Variants in PRR12 observed in about 807,000 individuals in gnomAD.
PRR12 encodes proline-rich protein 12.
Under a neutral mutation model 138.0 loss-of-function variants are expected in PRR12, and 12 were observed. That is an observed-to-expected ratio of 0.09 (90% confidence interval 0.06 to 0.14). PRR12 has a LOEUF of 0.14. Among genes scored for constraint, PRR12 ranks in the 10% least tolerant of loss-of-function variants. The probability of loss-of-function intolerance (pLI) is 1.00; values close to 1 mark genes in which losing one functional copy is unlikely to be tolerated. For synonymous variants in PRR12, 1,567 were observed against 1,291.7 expected (o/e 1.21, Z -4.57); for missense variants, 2,692 against 2,861.3 (o/e 0.94, Z 1.35).
In PRR12 at chr19:49,621,541, C is replaced by T. The variant is rs60445174; in HGVS notation, c.5640C>T (p.Pro1880=). ...LEDTHDELYL[P]PMRKIDGLLN... Reference sequence around the variant, plus strand: ...GTCCATCAGACGAGCTGTACCTGCCCCCCATGCGGAAGATAGACGGCCTGC... The same window carrying T: ...GTCCATCAGACGAGCTGTACCTGCCTCCCATGCGGAAGATAGACGGCCTGC... The change falls in exon 11 of 14, where the codon CCC becomes CCT. Residue 1880 remains proline, a synonymous_variant. Transcript: ENST00000418929. The T allele has an allele frequency of 0.038, 61,788 of 1,605,718 alleles. 1,680 individuals are homozygous for T. Among genetic ancestry groups the T allele is most frequent in the South Asian group, 0.1 (9,167 of 89,202 alleles).
chr19:49,612,288 G>A (rs1348624610), intron 6 of PRR12, among the ~76,000 whole-genome samples: 1 of 151,760 alleles, frequency 6.6e-6, no homozygotes, highest in Non-Finnish European at 1.5e-5. Context: ...CCAATCAGCT[G>A]TGGGTATGGA....
chr19:49,595,163 G>A lies in PRR12; in HGVS notation c.828G>A (p.Pro276=), dbSNP rs201538475. ...TCTCGGGTGCTGCCCCGGGCCCACC[G>A]CCGCCTGAGCGGGCCCTGCCACGCC... is the stretch of plus-strand genomic sequence containing the variant. The part of the protein sequence containing the change: ...YNFSGAAPGP[P]PPERALPRQD... The change falls in exon 4 of 14, where the codon CCG becomes CCA. Residue 276 remains proline (P), a synonymous_variant. Coordinates refer to ENST00000418929, the MANE Select transcript of PRR12 (RefSeq NM_020719.3). The A allele has an allele frequency of 3.2e-5, 51 of 1,609,890 alleles. No individual in the cohort carries two copies. Among genetic ancestry groups the A allele is most frequent in the South Asian group, 9.9e-5 (9 of 90,900 alleles).
chr19:49,614,510 C>T lies in PRR12; in HGVS notation c.4774-23C>T, dbSNP rs1368536755. On this transcript the variant is annotated intron_variant, in intron 6 of 13. Coordinates refer to ENST00000418929, the MANE Select transcript of PRR12 (RefSeq NM_020719.3). The surrounding 1 kb of genome is among the most constrained non-coding windows in gnomAD (Gnocchi z 5.0). ...AGGAATGAGGGCTGACCCTGCTGGC[C>T]TCACCACACCCCTCCTCCTCAGCTG... is the stretch of plus-strand genomic sequence containing the variant. The T allele has an allele frequency of 6.6e-7, 1 of 1,511,452 alleles. No individual in the cohort carries two copies. Among genetic ancestry groups the T allele is most frequent in the Non-Finnish European group, 8.9e-7 (1 of 1,125,824 alleles). 93.6% of individuals were successfully genotyped at this position (1,511,452 alleles called of 1,614,324 possible).
chr19:49,621,732 T>G (rs891254674), intron 11 of PRR12, 110 bp downstream of exon 11: 16 of 895,996 alleles, frequency 1.8e-5, no homozygotes, highest in Non-Finnish European at 2.6e-5. Flanking sequence ...AGATCGTCCT[T>G]CTGGGCTCAG....
chr19:49,595,252 C>T lies in PRR12; in HGVS notation c.917C>T (p.Pro306Leu), dbSNP rs778288170. Residue 306 changes from proline (P) to leucine (L), a missense_variant, in exon 4 of 14, where the codon CCA becomes CTA. Coordinates refer to ENST00000418929, the MANE Select transcript of PRR12 (RefSeq NM_020719.3). ...ASAQPPPPPP[P>L]AHALQHYLSC... The stretch of plus-strand genomic sequence containing the variant: ...GCCCAGCCCCCACCACCCCCGCCAC[C>T]AGCCCATGCGCTCCAGCACTATCTG... The T allele has an allele frequency of 1.3e-6, 2 of 1,544,866 alleles. No individual in the cohort carries two copies. The highest frequency in any genetic ancestry group is 1.7e-6 in the Non-Finnish European group (2 of 1,146,046).
rs1236827128 is a variant in PRR12, at chr19:49,597,903, G to T, written c.3568G>T (p.Ala1190Ser). 3.5e-6 allele frequency: 5 copies of T among 1,412,190 alleles called. No individual in the cohort carries two copies. The highest frequency in any genetic ancestry group is 4.6e-6 in the Non-Finnish European group (5 of 1,087,116). 87.5% of individuals were successfully genotyped at this position (1,412,190 alleles called of 1,614,324 possible). The part of the protein sequence containing the change: ...EVPTTAGPAS[A>S]STPTDGAKKP... ...CCCGACCACTGCGGGGCCCGCCTCG[G>T]CCTCCACGCCCACCGATGGCGCCAA... is the stretch of plus-strand genomic sequence containing the variant. The change falls in exon 4 of 14, where the codon GCC becomes TCC. Residue 1190 changes from alanine to serine, a missense_variant. Coordinates refer to ENST00000418929, the MANE Select transcript of PRR12 (RefSeq NM_020719.3). The surrounding 1 kb of genome is among the most constrained non-coding windows in gnomAD (Gnocchi z 6.3).
intron 5 of PRR12, 119 bp from the exon 6 acceptor site, chr19:49,601,372 G>A: frequency 3.1e-6 from 2 of 641,420 alleles, no homozygotes; most frequent in Non-Finnish European, 5.5e-6. Context: ...AAGGGACACT[G>A]GGAGCTGAGT....
chr19:49,613,727 C>T (rs981671435), intron 6 of PRR12, among the ~76,000 whole-genome samples: 1 of 152,216 alleles, frequency 6.6e-6, no homozygotes, highest in Non-Finnish European at 1.5e-5. Context: ...TGTCTCATTA[C>T]CTCTGTTATT....
At chr19:49,624,687 G>C (rs1046264113) in intron 11 of PRR12, among the ~76,000 whole-genome samples, 157 bp from the exon 12 acceptor site, 1 of 152,058 alleles carries the variant, frequency 6.6e-6, no homozygotes, top group Non-Finnish European at 1.5e-5. Context: ...AAGCATCACT[G>C]GTCAGGCCCA....
At chr19:49,602,743 G>C (rs2080819098) in intron 6 of PRR12, among the ~76,000 whole-genome samples, 1 of 152,118 alleles carries the variant, frequency 6.6e-6, no homozygotes, top group African/African-American at 2.4e-5. Context: ...GTAGAAATGG[G>C]GTTTCACTGT....
intron 6 of PRR12, among the ~76,000 whole-genome samples, chr19:49,605,081 C>A (rs2080831555): frequency 6.6e-6 from 1 of 151,884 alleles, no homozygotes; most frequent in South Asian, 2.1e-4. Flanking sequence ...AAACTCCTGA[C>A]CTCGGGTGAT....
Position 49,614,440 on chromosome 19 carries a change from A to C in PRR12, c.4774-93A>C, listed in dbSNP as rs1291812294. ...ACGTGTCTGCCTTTTCTCTAAGGGG[A>C]TGGTGAGGGAAGCCAGTGGGCCAGG... On this transcript the variant is annotated intron_variant, in intron 6 of 13. Coordinates refer to ENST00000418929, the MANE Select transcript of PRR12 (RefSeq NM_020719.3). The surrounding 1 kb of genome is among the most constrained non-coding windows in gnomAD (Gnocchi z 5.0). 1 of 786,680 alleles carries C rather than the reference A, an allele frequency of 1.3e-6. No individual in the cohort carries two copies. The highest frequency in any genetic ancestry group is 2.0e-6 in the Non-Finnish European group (1 of 504,930). 48.7% of individuals were successfully genotyped at this position (786,680 alleles called of 1,614,324 possible).
Position 49,596,868 on chromosome 19 carries a change from C to T in PRR12, c.2533C>T (p.Pro845Ser), listed in dbSNP as rs755815729. Residue 845 changes from proline to serine, a missense_variant, in exon 4 of 14, where the codon CCC (proline) becomes TCC (serine). Around this residue, in one of 11 missense-constraint regions of PRR12, gnomAD observed 840 missense variants for 689.8 expected, o/e 1.22. Coordinates refer to ENST00000418929, the MANE Select transcript of PRR12 (RefSeq NM_020719.3). This position sits in a 1 kb window ranked among gnomAD's most constrained non-coding sequence, Gnocchi z 5.6. ...TCCACCGCCACCCCCGCCTCCACCA[C>T]CCATGCCCCTGCAGCTCGAGGCCCA... ...PPPPPPPPPP[P>S]MPLQLEAHLR... The T allele has an allele frequency of 3.2e-6, 5 of 1,570,706 alleles. No homozygotes were observed. The African/African-American group carries it at 6.7e-5, about 21-fold the overall frequency.
At position 49,621,653 on chromosome 19, in the gene PRR12, G is replaced by A. The variant is rs1454134702; in HGVS notation, c.5721+31G>A. On this transcript the variant is annotated intron_variant, in intron 11 of 13. Coordinates refer to ENST00000418929, the MANE Select transcript of PRR12 (RefSeq NM_020719.3). ...TGGGGGTCTGGGCAGGGGGTGTCTG[G>A]GGCCCAGGGTCCACATGGAGAAGAC... is the stretch of plus-strand genomic sequence containing the variant. The A allele has an allele frequency of 3.9e-6, 6 of 1,524,124 alleles. No individual in the cohort carries two copies. The Admixed American group carries it at 7.6e-5, about 19-fold the overall frequency. The allele number at this position is 1,524,124 out of a possible 1,614,324, so 94.4% of individuals were successfully genotyped here.
At position 49,597,463 on chromosome 19, in the gene PRR12, C is replaced by T. The variant is rs1599787594; in HGVS notation, c.3128C>T (p.Pro1043Leu). The T allele has an allele frequency of 1.9e-6, 3 of 1,542,432 alleles. No individual in the cohort carries two copies. The highest frequency in any genetic ancestry group is 1.7e-6 in the Non-Finnish European group (2 of 1,146,266). The change falls in exon 4 of 14, where the codon CCT (proline) becomes CTT (leucine). Residue 1043 changes from proline to leucine, a missense_variant. Pro to Leu is a moderately conservative substitution (Grantham distance 98). Coordinates refer to ENST00000418929, the MANE Select transcript of PRR12 (RefSeq NM_020719.3). This position sits in a 1 kb window ranked among gnomAD's most constrained non-coding sequence, Gnocchi z 6.3. The stretch of plus-strand genomic sequence containing the variant: ...CACCAGGCGGCGCCACCACCCCCGC[C>T]TCCGCCACCGCCGCCTCCCGCGCCG... ...GPHQAAPPPP[P>L]PPPPPPAPAS...
intron 2 of PRR12, among the ~76,000 whole-genome samples, chr19:49,593,990 T>C (rs1447752686): frequency 6.6e-6 from 1 of 152,078 alleles, no homozygotes. Flanking sequence ...GCTCCTTCCC[T>C]TTTTCCCTCC....
rs1378466294 is a variant in PRR12, at chr19:49,614,776, A to G, written c.4891-100A>G. On this transcript the variant is annotated intron_variant, in intron 7 of 13. Transcript: ENST00000418929. This position sits in a 1 kb window ranked among gnomAD's most constrained non-coding sequence, Gnocchi z 5.0. ...TGGAAGGGGGCCCCCTGCTGCCGGC[A>G]GGCTCCAAGCAGCTGCCATGGTGGC... 6.4e-7 allele frequency: 1 copy of G among 1,562,572 alleles called. No individual in the cohort carries two copies. Among genetic ancestry groups the G allele is most frequent in the Non-Finnish European group, 8.8e-7 (1 of 1,142,592 alleles).
chr19:49,616,233 C>T lies in PRR12; in HGVS notation c.5497+14C>T. On this transcript the variant is annotated intron_variant, in intron 9 of 13. Coordinates refer to ENST00000418929, the MANE Select transcript of PRR12 (RefSeq NM_020719.3). This position sits in a 1 kb window ranked among gnomAD's most constrained non-coding sequence, Gnocchi z 4.2. ...CCAGCGAGGACGGTGAGGCCCTAGGCAGCCTCAGGGCTGCAGGGGTGGGTG... is the reference window on the plus strand; with the variant it reads ...CCAGCGAGGACGGTGAGGCCCTAGGTAGCCTCAGGGCTGCAGGGGTGGGTG... 1 of 1,509,740 alleles carries T rather than the reference C, an allele frequency of 6.6e-7. No individual in the cohort carries two copies. Among genetic ancestry groups the T allele is most frequent in the Non-Finnish European group, 8.9e-7 (1 of 1,126,434 alleles). The allele number at this position is 1,509,740 out of a possible 1,614,324, so 93.5% of individuals were successfully genotyped here.
At position 49,599,995 on chromosome 19, in the gene PRR12, G is replaced by A. The variant is rs2116922; in HGVS notation, c.4345+57G>A. ...GCTTAAAGGTTATTATGATCACTAG[G>A]TAACAGTTGTGCAGGTTACGCACTG... On this transcript the variant is annotated intron_variant, in intron 5 of 13. Transcript: ENST00000418929. The surrounding 1 kb of genome is among the most constrained non-coding windows in gnomAD (Gnocchi z 5.0). The A allele has an allele frequency of 0.26, 383,848 of 1,462,864 alleles. 57,347 individuals carry two copies. Among genetic ancestry groups the A allele is most frequent in the African/African-American group, 0.61 (42,990 of 70,692 alleles). The allele number at this position is 1,462,864 out of a possible 1,614,324, so 90.6% of individuals were successfully genotyped here. A position where few individuals can be genotyped will look rare whatever the true frequency, so the allele number is the denominator to read the frequency against.
Sources: allele counts gnomAD v4.1 joint callset (sites outside exome capture counted in the v4.1 genomes callset), GRCh38; gene constraint gnomAD v4.1.1; regional missense constraint gnomAD v4.1.1; non-coding constraint Gnocchi (gnomAD v3.1); transcripts MANE v1.5; gene names NCBI Gene and HGNC (gene_info 2026-07-23, HGNC 2026-07-21).